Variants in PCCA observed in about 807,000 individuals in gnomAD.
The protein encoded by PCCA is propionyl-CoA carboxylase alpha chain, mitochondrial.
PCCA carries 74 observed loss-of-function variants against 101.3 expected under a neutral mutation model. The ratio of observed to expected loss-of-function variants is 0.73; its 90% CI spans 0.61 to 0.89. The LOEUF (loss-of-function observed/expected upper bound fraction) is 0.89, where lower values mean the gene tolerates loss of function less well. Among genes scored for constraint, PCCA ranks in the 40% least tolerant of loss-of-function variants. PCCA has a pLI of 0.00. For missense variants in PCCA, 891 were observed against 907.0 expected (o/e 0.98, Z 0.23); for synonymous variants, 294 against 313.6 (o/e 0.94, Z 0.66).
At chr13:100,373,809 AAAACTT>A (rs2152818797) in intron 19 of PCCA, among the ~76,000 whole-genome samples, 1 of 152,294 alleles carries the variant, frequency 6.6e-6, no homozygotes, top group East Asian at 1.9e-4. Context: ...TTTATAATGA[AAAACTT>A]AAAAGGAGGG....
intron 21 of PCCA, among the ~76,000 whole-genome samples, chr13:100,512,370 A>G (rs150370359): frequency 9.9e-4 from 151 of 152,312 alleles, no homozygotes; most frequent in African/African-American, 3.5e-3. Flanking sequence ...GTCCTTAGAT[A>G]ACACCTCATT....
chr13:100,506,571 A>T (rs1285812221), intron 21 of PCCA, among the ~76,000 whole-genome samples: 1 of 152,222 alleles, frequency 6.6e-6, no homozygotes, highest in African/African-American at 2.4e-5. Context: ...CAGTGAATTC[A>T]TAATAGTAAA....
chr13:100,107,959 C>G (rs1404463756), intron 2 of PCCA, among the ~76,000 whole-genome samples: 2 of 152,182 alleles, frequency 1.3e-5, no homozygotes, highest in Admixed American at 6.5e-5. Flanking sequence ...CATGCCTGTC[C>G]TTTTCCAGAG....
chr13:100,417,081 G>T (rs976279578), intron 19 of PCCA, among the ~76,000 whole-genome samples: 5 of 151,004 alleles, frequency 3.3e-5, no homozygotes, highest in Non-Finnish European at 7.4e-5. Context: ...AACCTCAGGT[G>T]ATCCCCCCGC....
chr13:100,527,882 C>T (rs939762696), intron 23 of PCCA, 130 bp downstream of exon 23: 4 of 754,554 alleles, frequency 5.3e-6, no homozygotes, highest in South Asian at 2.8e-5. Flanking sequence ...CAGAGGAGGA[C>T]GTTAGGATTG....
At chr13:100,529,842 C>A (rs577445378) in intron 23 of PCCA, among the ~76,000 whole-genome samples, 74 of 152,226 alleles carry the variant, frequency 4.9e-4, no homozygotes, top group Non-Finnish European at 9.3e-4. Flanking sequence ...GAGTAGCCCT[C>A]AGGCCAGCCA....
chr13:100,421,515 GTATT>G (rs1313185018), intron 19 of PCCA, among the ~76,000 whole-genome samples: 1 of 151,860 alleles, frequency 6.6e-6, no homozygotes, highest in East Asian at 1.9e-4. Flanking sequence ...TACAGAATAT[GTATT>G]TATTTGATAT....
At chr13:100,238,223 A>T (rs183672995) in intron 8 of PCCA, among the ~76,000 whole-genome samples, 5 of 152,202 alleles carry the variant, frequency 3.3e-5, no homozygotes, top group African/African-American at 1.2e-4. Flanking sequence ...TACAGGCATA[A>T]GCCAGTGCAC....
intron 12 of PCCA, among the ~76,000 whole-genome samples, chr13:100,292,191 T>G (rs1229993379): frequency 6.6e-6 from 1 of 152,196 alleles, no homozygotes; most frequent in Non-Finnish European, 1.5e-5. Flanking sequence ...TATATAGTTT[T>G]TTAGTGAGAA....
chr13:100,128,879 G>A (rs747626792), intron 4 of PCCA, among the ~76,000 whole-genome samples: 3 of 152,094 alleles, frequency 2.0e-5, no homozygotes, highest in Non-Finnish European at 4.4e-5. Context: ...AGGTTTGATT[G>A]GTGGGCTCTT....
intron 21 of PCCA, among the ~76,000 whole-genome samples, chr13:100,479,068 C>T (rs1185888940): frequency 1.3e-5 from 2 of 152,192 alleles, no homozygotes; most frequent in African/African-American, 4.8e-5. Flanking sequence ...AGATAATCAT[C>T]AGTCATAGCC....
intron 21 of PCCA, among the ~76,000 whole-genome samples, chr13:100,469,672 C>T (rs983396596): frequency 6.6e-6 from 1 of 151,398 alleles, no homozygotes; most frequent in Non-Finnish European, 1.5e-5. Flanking sequence ...GCTACTCACT[C>T]GGGAGGTTGA....
intron 1 of PCCA, among the ~76,000 whole-genome samples, chr13:100,102,381 T>A (rs2047359448): frequency 6.6e-6 from 1 of 152,226 alleles, no homozygotes; most frequent in Non-Finnish European, 1.5e-5. Context: ...GAAATATCCT[T>A]GATTACTGAT....
chr13:100,498,831 T>G (rs1352507851), intron 21 of PCCA, among the ~76,000 whole-genome samples: 2 of 152,214 alleles, frequency 1.3e-5, no homozygotes, highest in African/African-American at 4.8e-5. Flanking sequence ...TGAACTGTTT[T>G]GGAGTGATAT....
intron 19 of PCCA, among the ~76,000 whole-genome samples, chr13:100,373,397 G>A (rs571402706): frequency 2.0e-5 from 3 of 152,324 alleles, no homozygotes; most frequent in Non-Finnish European, 4.4e-5. Flanking sequence ...AAACTTAAAA[G>A]TAGAATTACA....
intron 6 of PCCA, among the ~76,000 whole-genome samples, chr13:100,194,564 T>C (rs909234019): frequency 2.0e-5 from 3 of 152,064 alleles, no homozygotes; most frequent in African/African-American, 4.8e-5. Context: ...ATTACAGGCG[T>C]GTGCCACCAC....
chr13:100,089,714 G>A (rs1472445734), intron 1 of PCCA, among the ~76,000 whole-genome samples: 1 of 152,208 alleles, frequency 6.6e-6, no homozygotes, highest in South Asian at 2.1e-4. Context: ...ATTATACCAT[G>A]TCAGGACTGC....
intron 12 of PCCA, among the ~76,000 whole-genome samples, chr13:100,296,160 G>C (rs1036541246): frequency 2.0e-5 from 3 of 152,136 alleles, no homozygotes; most frequent in African/African-American, 7.2e-5. Context: ...GGTCAAGTCA[G>C]ATGTCTTTAT....
intron 4 of PCCA, among the ~76,000 whole-genome samples, chr13:100,137,790 T>A (rs2051356741): frequency 6.7e-6 from 1 of 150,158 alleles, no homozygotes; most frequent in African/African-American, 2.5e-5. Context: ...CTCTTTTAAT[T>A]TGTATGTTTA....
Sources: allele counts gnomAD v4.1 joint callset (sites outside exome capture counted in the v4.1 genomes callset), GRCh38; gene constraint gnomAD v4.1.1; transcripts MANE v1.5; gene names NCBI Gene and HGNC (gene_info 2026-07-23, HGNC 2026-07-21).